The following CHP1 variants were observed in gnomAD, a reference collection of about 807,000 sequenced individuals.
The protein encoded by CHP1 is calcineurin like EF-hand protein 1, also known as calcineurin B homologous protein 1.
A neutral mutation model predicts 27.4 loss-of-function variants in CHP1; 11 were observed. That is an observed-to-expected ratio of 0.40 (90% CI 0.25 to 0.67). CHP1 has a LOEUF of 0.67. CHP1 is among the 30% of genes least tolerant of loss of function. The pLI is 0.38. For synonymous variants in CHP1, 89 were observed against 87.4 expected (o/e 1.02, Z -0.10); for missense variants, 169 against 251.3 (o/e 0.67, Z 2.22).
intron 5 of CHP1, among the ~76,000 whole-genome samples, chr15:41,273,888 C>T (rs1387382312): frequency 1.3e-5 from 2 of 151,074 alleles, no homozygotes; most frequent in Non-Finnish European, 3.0e-5. Context: ...TTGCAGTGAG[C>T]TGAGATCATG....
intron 4 of CHP1, among the ~76,000 whole-genome samples, chr15:41,267,686 C>A (rs1222900091): frequency 6.7e-6 from 1 of 148,672 alleles, no homozygotes; most frequent in Non-Finnish European, 1.5e-5. Flanking sequence ...AAAAAAGAAG[C>A]AATAGCATTG....
At chr15:41,277,354 A>AT (rs1294290627) in intron 5 of CHP1, among the ~76,000 whole-genome samples, 1 of 152,196 alleles carries the variant, frequency 6.6e-6, no homozygotes, top group African/African-American at 2.4e-5. Flanking sequence ...GTATCTAAAC[A>AT]TATCTGTGGC....
At chr15:41,256,407 A>G (rs1040158902) in intron 2 of CHP1, among the ~76,000 whole-genome samples, 1 of 152,204 alleles carries the variant, frequency 6.6e-6, no homozygotes, top group Non-Finnish European at 1.5e-5. Flanking sequence ...AAGGAAATCA[A>G]TTGGTTGTCA....
In CHP1 at chr15:41,231,403, G is replaced by T; in HGVS notation, c.21G>T (p.Thr7=). The change falls in exon 1 of 7, where the codon ACG becomes ACT. Residue 7 remains threonine (T), a synonymous_variant. Coordinates refer to ENST00000334660, the MANE Select transcript of CHP1 (RefSeq NM_007236.5). MGSRAS[T]LLRDEELEEI... is the part of the protein sequence containing the mutation. ...CGGCGATGGGTTCTCGGGCCTCCAC[G>T]TTACTGCGGGACGAAGAGCTCGAGG... 1 of 1,604,212 alleles carries T rather than the reference G, an allele frequency of 6.2e-7. No homozygotes were observed. Among genetic ancestry groups the T allele is most frequent in the Non-Finnish European group, 8.5e-7 (1 of 1,176,522 alleles).
intron 5 of CHP1, among the ~76,000 whole-genome samples, chr15:41,271,073 G>C (rs1265965333): frequency 6.6e-6 from 1 of 151,994 alleles, no homozygotes. Flanking sequence ...GGCTAACATG[G>C]TGAAACCCTG....
intron 1 of CHP1, among the ~76,000 whole-genome samples, chr15:41,234,944 A>C (rs996375908): frequency 2.6e-5 from 4 of 152,204 alleles, no homozygotes; most frequent in Non-Finnish European, 5.9e-5. Context: ...TTAAGTACAG[A>C]TGTTTTGCCA....
intron 1 of CHP1, among the ~76,000 whole-genome samples, chr15:41,241,161 T>A (rs1160569284): frequency 6.6e-6 from 1 of 152,226 alleles, no homozygotes; most frequent in Non-Finnish European, 1.5e-5. Context: ...TGAAATTTAG[T>A]AATTCTTTAA....
chr15:41,262,504 C>G (rs1170288278), intron 3 of CHP1, among the ~76,000 whole-genome samples: 4 of 152,016 alleles, frequency 2.6e-5, no homozygotes, highest in African/African-American at 9.7e-5. Context: ...TAACTTTATC[C>G]CTGGTAAGTC....
At chr15:41,265,710 C>CAA (rs143866388) in intron 4 of CHP1, among the ~76,000 whole-genome samples, 32 of 121,690 alleles carry the variant, frequency 2.6e-4, no homozygotes, top group African/African-American at 3.9e-4. Flanking sequence ...AACTCCATCT[C>CAA]AAAAAAAAAA....
intron 1 of CHP1, among the ~76,000 whole-genome samples, chr15:41,238,066 G>A (rs934569014): frequency 6.6e-6 from 1 of 151,992 alleles, no homozygotes; most frequent in Non-Finnish European, 1.5e-5. Context: ...CTTCTGCTTC[G>A]CACTTCTGTG....
At chr15:41,251,496 C>T (rs2047366384) in intron 2 of CHP1, among the ~76,000 whole-genome samples, 1 of 152,192 alleles carries the variant, frequency 6.6e-6, no homozygotes, top group South Asian at 2.1e-4. Context: ...AGACCAGTAC[C>T]AGTCTGTGGC....
At chr15:41,275,678 C>T (rs1258609998) in intron 5 of CHP1, among the ~76,000 whole-genome samples, 1 of 152,082 alleles carries the variant, frequency 6.6e-6, no homozygotes, top group African/African-American at 2.4e-5. Context: ...CTCAGACCAT[C>T]CTCCTGCCTC....
intron 2 of CHP1, among the ~76,000 whole-genome samples, chr15:41,251,335 C>G (rs1319321611): frequency 6.6e-6 from 1 of 152,150 alleles, no homozygotes; most frequent in Non-Finnish European, 1.5e-5. Flanking sequence ...TAATCATTAT[C>G]CTGCCTTGTA....
intron 5 of CHP1, among the ~76,000 whole-genome samples, chr15:41,276,680 A>T (rs1366891959): frequency 1.3e-5 from 2 of 152,036 alleles, no homozygotes; most frequent in Non-Finnish European, 2.9e-5. Flanking sequence ...TTAGCATTTA[A>T]CTCTTCAAGG....
intron 4 of CHP1, among the ~76,000 whole-genome samples, chr15:41,267,346 A>C (rs2047466548): frequency 1.3e-5 from 2 of 152,016 alleles, no homozygotes; most frequent in African/African-American, 2.4e-5. Flanking sequence ...GATACATTTT[A>C]TGTATATTTT....
rs1399201281 is a variant in CHP1 at position 41,245,354 on chromosome 15, G to A, written c.140+1615G>A. Among the ~76,000 whole-genome samples, 8 of 152,102 alleles carry A rather than the reference G, an allele frequency of 5.3e-5. No homozygotes were observed. In the East Asian group the frequency reaches 9.7e-4, roughly 18 times the overall value. ...TGGGCGCCTGTGCGTGGTGGTGGGC[G>A]CCTGTAATCCAAGCTACTCAGGAGG... On this transcript the variant is annotated intron_variant, in intron 2 of 6. Coordinates refer to ENST00000334660, the MANE Select transcript of CHP1 (RefSeq NM_007236.5).
chr15:41,232,253 CA>C (rs1279627831), intron 1 of CHP1, among the ~76,000 whole-genome samples: 4 of 149,228 alleles, frequency 2.7e-5, no homozygotes, highest in African/African-American at 7.5e-5. Flanking sequence ...CTCTGTCAAC[CA>C]GGCTGGAGTG....
chr15:41,249,147 T>C (rs754290428), intron 2 of CHP1, among the ~76,000 whole-genome samples: 1 of 152,160 alleles, frequency 6.6e-6, no homozygotes, highest in Non-Finnish European at 1.5e-5. Context: ...TGGCTTCCAA[T>C]CTTTTGTTAC....
intron 2 of CHP1, 161 bp from the exon 3 acceptor site, chr15:41,256,749 T>G: frequency 1.6e-6 from 1 of 638,980 alleles, no homozygotes; most frequent in South Asian, 1.8e-5. Context: ...ACTTGGCAGC[T>G]ATTAAAGTGC....
Sources: allele counts gnomAD v4.1 joint callset (sites outside exome capture counted in the v4.1 genomes callset), GRCh38; gene constraint gnomAD v4.1.1; transcripts MANE v1.5; gene names NCBI Gene and HGNC (gene_info 2026-07-23, HGNC 2026-07-21).